The following CACNB4 variants were observed in gnomAD, a reference collection of about 807,000 sequenced individuals.
The protein encoded by CACNB4 is voltage-dependent L-type calcium channel subunit beta-4.
CACNB4 carries 32 observed loss-of-function variants against 71.2 expected under a neutral mutation model. That is an observed-to-expected ratio of 0.45 (90% CI 0.34 to 0.60). The LOEUF (loss-of-function observed/expected upper bound fraction) is 0.60. CACNB4 is among the 20% of genes least tolerant of loss of function. The pLI is 0.01. For synonymous variants in CACNB4, 231 were observed against 236.9 expected (o/e 0.97, Z 0.23); for missense variants, 464 against 647.9 (o/e 0.72, Z 3.08).
chr2:151,918,479 C>CA (rs948467216), intron 2 of CACNB4, among the ~76,000 whole-genome samples: 3 of 152,178 alleles, frequency 2.0e-5, no homozygotes, highest in East Asian at 1.9e-4. Context: ...AACAAATGAA[C>CA]AAAAAAATAG....
At chr2:152,058,046 A>G (rs1685813543) in intron 2 of CACNB4, among the ~76,000 whole-genome samples, 1 of 152,132 alleles carries the variant, frequency 6.6e-6, no homozygotes, top group East Asian at 1.9e-4. Context: ...ATGGTTTTAT[A>G]AAGGGCTCTT....
intron 2 of CACNB4, among the ~76,000 whole-genome samples, chr2:151,934,152 T>C (rs1169626107): frequency 6.6e-6 from 1 of 152,242 alleles, no homozygotes; most frequent in Non-Finnish European, 1.5e-5. Context: ...TCTCCACCAG[T>C]GTGATCACAG....
intron 2 of CACNB4, among the ~76,000 whole-genome samples, chr2:152,059,507 T>A (rs773085272): frequency 3.3e-5 from 5 of 152,250 alleles, no homozygotes; most frequent in African/African-American, 1.2e-4. Context: ...TGGATTTGCA[T>A]GGGGCTTGTA....
At chr2:152,009,201 AAAAG>A (rs1553810022) in intron 2 of CACNB4, among the ~76,000 whole-genome samples, 12 of 151,680 alleles carry the variant, frequency 7.9e-5, no homozygotes, top group Admixed American at 1.3e-4. Flanking sequence ...AAAAAAAAAA[AAAAG>A]AAAGAAAGAA....
intron 2 of CACNB4, among the ~76,000 whole-genome samples, chr2:152,010,713 T>C (rs963461361): frequency 6.6e-6 from 1 of 152,216 alleles, no homozygotes; most frequent in Non-Finnish European, 1.5e-5. Context: ...CAGGTGCATC[T>C]GAGGGCAAAG....
intron 2 of CACNB4, among the ~76,000 whole-genome samples, chr2:151,993,406 A>T (rs1234532980): frequency 6.6e-6 from 1 of 152,154 alleles, no homozygotes; most frequent in Non-Finnish European, 1.5e-5. Context: ...GAAGGTACAC[A>T]GGGCAAAGTG....
intron 2 of CACNB4, among the ~76,000 whole-genome samples, chr2:151,927,724 C>A (rs985905451): frequency 2.0e-5 from 3 of 152,204 alleles, no homozygotes; most frequent in African/African-American, 7.2e-5. Flanking sequence ...TGCAGCAACG[C>A]AGGTGCTGAG....
intron 2 of CACNB4, among the ~76,000 whole-genome samples, chr2:151,888,938 CA>C (rs1370715029): frequency 3.9e-5 from 6 of 152,214 alleles, no homozygotes; most frequent in Non-Finnish European, 8.8e-5. Context: ...ATGGCAGCCA[CA>C]AGCCACATGT....
At chr2:152,068,259 A>G (rs58387407) in intron 2 of CACNB4, among the ~76,000 whole-genome samples, 44,650 of 151,930 alleles carry the variant, frequency 0.29, 7,572 homozygotes, top group East Asian at 0.75. Context: ...TCCTCTTGCT[A>G]GAGGAGAGCA....
chr2:151,999,723 G>A (rs1189559196), intron 2 of CACNB4, among the ~76,000 whole-genome samples: 3 of 152,100 alleles, frequency 2.0e-5, no homozygotes, highest in Non-Finnish European at 4.4e-5. Flanking sequence ...AGGTACCAAG[G>A]CTATGCCACC....
At chr2:151,993,250 G>C (rs1005696027) in intron 2 of CACNB4, among the ~76,000 whole-genome samples, 2 of 151,566 alleles carry the variant, frequency 1.3e-5, no homozygotes, top group Admixed American at 6.6e-5. Context: ...ACTATATCTA[G>C]AAACACTCCT....
chr2:151,952,232 G>A (rs1336263651), intron 2 of CACNB4, among the ~76,000 whole-genome samples: 3 of 152,086 alleles, frequency 2.0e-5, no homozygotes, highest in African/African-American at 4.8e-5. Flanking sequence ...TCCTACCTAC[G>A]AGATGTATAA....
At chr2:151,992,068 C>T (rs750177552) in intron 2 of CACNB4, among the ~76,000 whole-genome samples, 27 of 152,180 alleles carry the variant, frequency 1.8e-4, no homozygotes, top group Non-Finnish European at 3.1e-4. Context: ...ACTTAATCCT[C>T]GACCCCCCTT....
At chr2:152,071,068 C>T (rs1253838095) in intron 2 of CACNB4, among the ~76,000 whole-genome samples, 1 of 152,252 alleles carries the variant, frequency 6.6e-6, no homozygotes, top group Admixed American at 6.5e-5. Flanking sequence ...ACTCAGCCAA[C>T]TTATATTCAT....
chr2:152,098,469 G>T lies in CACNB4; in HGVS notation c.64-56C>A. The T allele has an allele frequency of 6.6e-7, 1 of 1,512,832 alleles. No homozygotes were observed. The highest frequency in any genetic ancestry group is 2.3e-5 in the East Asian group (1 of 44,376). The allele number at this position is 1,512,832 out of a possible 1,614,324, so 93.7% of individuals were successfully genotyped here. A position where few individuals can be genotyped will look rare whatever the true frequency, so the allele number is the denominator to read the frequency against. ...GCCGGTGAGGACCGCAGCGCAGAGCGGGGCGACCACCCCCGGCTGGAGTCC... is the reference window on the plus strand; with the variant it reads ...GCCGGTGAGGACCGCAGCGCAGAGCTGGGCGACCACCCCCGGCTGGAGTCC... On this transcript the variant is annotated intron_variant, in intron 1 of 13. Coordinates refer to ENST00000539935, the MANE Select transcript of CACNB4 (RefSeq NM_000726.5). The surrounding 1 kb of genome is among the most constrained non-coding windows in gnomAD (Gnocchi z 5.3).
At chr2:151,881,455 C>T (rs1371754220) in intron 3 of CACNB4, among the ~76,000 whole-genome samples, 1 of 152,234 alleles carries the variant, frequency 6.6e-6, no homozygotes. Flanking sequence ...GGGCTCTTCA[C>T]AGATCACCTT....
intron 2 of CACNB4, among the ~76,000 whole-genome samples, chr2:152,006,846 T>A (rs571180134): frequency 3.4e-4 from 52 of 152,284 alleles, no homozygotes; most frequent in African/African-American, 1.1e-3. Flanking sequence ...CCAGCTCCTA[T>A]CTATCTAGAA....
At chr2:152,093,886 C>A (rs1247058767) in intron 2 of CACNB4, among the ~76,000 whole-genome samples, 1 of 152,166 alleles carries the variant, frequency 6.6e-6, no homozygotes, top group East Asian at 1.9e-4. Context: ...GGTTAGGAGG[C>A]AATTTCTCCC....
intron 2 of CACNB4, among the ~76,000 whole-genome samples, chr2:152,015,757 C>T (rs758332376): frequency 3.9e-5 from 6 of 152,184 alleles, no homozygotes; most frequent in South Asian, 2.1e-4. Flanking sequence ...TAAACCTGCA[C>T]GGGCAGAAGC....
Sources: allele counts gnomAD v4.1 joint callset (sites outside exome capture counted in the v4.1 genomes callset), GRCh38; gene constraint gnomAD v4.1.1; non-coding constraint Gnocchi (gnomAD v3.1); transcripts MANE v1.5; gene names NCBI Gene and HGNC (gene_info 2026-07-23, HGNC 2026-07-21).